Variants in OSBPL8 observed in about 807,000 individuals in gnomAD.
OSBPL8 encodes the protein oxysterol-binding protein-related protein 8.
In OSBPL8, 59 loss-of-function variants were observed where a neutral mutation model predicts 125.5. The observed-to-expected ratio is 0.47, with a 90% CI of 0.38 to 0.58. OSBPL8 has a LOEUF of 0.58. Ranked by LOEUF, OSBPL8 falls within the 20% of genes least tolerant of loss-of-function variation. The pLI, the probability that OSBPL8 is intolerant of heterozygous loss-of-function variation, is 0.00. For missense variants in OSBPL8, 758 were observed against 1,047.8 expected (o/e 0.72, Z 3.82); for synonymous variants, 330 against 338.9 (o/e 0.97, Z 0.29).
Position 76,394,629 on chromosome 12 carries a change from C to A in OSBPL8, c.757+16G>T. ...AAATGAAGACCAAAATCCAATCCAT[C>A]AAAAACTATACTTACCATCTGACTC... is the stretch of plus-strand genomic sequence containing the variant. On this transcript the variant is annotated intron_variant, in intron 9 of 23. Transcript: ENST00000261183. 1 of 1,599,694 alleles carries A rather than the reference C, an allele frequency of 6.3e-7. No homozygotes were observed. The highest frequency in any genetic ancestry group is 1.1e-5 in the South Asian group (1 of 89,100).
chr12:76,416,582 T>C (rs950733613), intron 4 of OSBPL8, among the ~76,000 whole-genome samples: 1 of 152,132 alleles, frequency 6.6e-6, no homozygotes, highest in Non-Finnish European at 1.5e-5. Context: ...TATAATGTAC[T>C]CATGCTTTTT....
chr12:76,384,716 A>C (rs1368776628), intron 14 of OSBPL8, among the ~76,000 whole-genome samples: 1 of 152,206 alleles, frequency 6.6e-6, no homozygotes, highest in Admixed American at 6.5e-5. Context: ...GAGATTGTGA[A>C]AAACCCTACA....
At chr12:76,512,304 T>C (rs986746289) in intron 1 of OSBPL8, among the ~76,000 whole-genome samples, 2 of 152,230 alleles carry the variant, frequency 1.3e-5, no homozygotes, top group African/African-American at 4.8e-5. Context: ...AGACATGATC[T>C]AGTTCTTTTT....
At chr12:76,521,625 G>A (rs1003193643) in intron 1 of OSBPL8, among the ~76,000 whole-genome samples, 3 of 152,158 alleles carry the variant, frequency 2.0e-5, no homozygotes, top group East Asian at 3.8e-4. Context: ...TAAAAGGAAG[G>A]AGATTCTGAC....
Position 76,489,852 on chromosome 12 carries a change from G to C in OSBPL8, c.-67-2234C>G, listed in dbSNP as rs536771479. 2.5e-4 allele frequency among the ~76,000 whole-genome samples: 38 copies of C among 152,310 alleles called. No homozygotes were observed. In the East Asian group the frequency reaches 7.3e-3, roughly 29 times the overall value. ...GATTCCTCTGATGGATCTGGGCAAA[G>C]TTTGAAAACCTAATGGAAAAGATTC... On this transcript the variant is annotated intron_variant, in intron 1 of 23. Transcript: ENST00000261183.
At chr12:76,466,306 T>C (rs1592731955) in intron 2 of OSBPL8, among the ~76,000 whole-genome samples, 1 of 151,432 alleles carries the variant, frequency 6.6e-6, no homozygotes, top group East Asian at 2.0e-4. Context: ...CTGATATTTT[T>C]CAATCTACAC....
At chr12:76,414,546 G>A (rs1044906903) in intron 4 of OSBPL8, among the ~76,000 whole-genome samples, 1 of 146,094 alleles carries the variant, frequency 6.8e-6, no homozygotes, top group Non-Finnish European at 1.5e-5. Context: ...TCGACCTCCT[G>A]TAACAGGCAA....
intron 8 of OSBPL8, among the ~76,000 whole-genome samples, chr12:76,397,346 G>A (rs1228957650): frequency 2.1e-5 from 3 of 144,702 alleles, no homozygotes; most frequent in African/African-American, 7.6e-5. Context: ...AGGGGGTGGG[G>A]AGGGGGGGTG....
intron 1 of OSBPL8, among the ~76,000 whole-genome samples, chr12:76,505,462 G>A (rs1490819356): frequency 6.6e-6 from 1 of 151,862 alleles, no homozygotes; most frequent in Non-Finnish European, 1.5e-5. Context: ...TTTCCTCGAC[G>A]AACCTGACCT....
intron 18 of OSBPL8, among the ~76,000 whole-genome samples, chr12:76,373,142 A>T (rs1952682975): frequency 6.6e-6 from 1 of 152,186 alleles, no homozygotes; most frequent in Non-Finnish European, 1.5e-5. Flanking sequence ...ATTTCTACTG[A>T]TTTTAAGTTT....
At chr12:76,450,714 A>G (rs985430300) in intron 4 of OSBPL8, 137 bp downstream of exon 4, 2 of 839,372 alleles carry the variant, frequency 2.4e-6, no homozygotes, top group African/African-American at 3.5e-5. Context: ...GACCTAAACA[A>G]AACAAACAAA....
intron 2 of OSBPL8, among the ~76,000 whole-genome samples, chr12:76,469,835 C>A (rs1358460141): frequency 6.6e-6 from 1 of 151,874 alleles, no homozygotes. Flanking sequence ...TGCTATATTC[C>A]TTAAAACTAG....
intron 4 of OSBPL8, among the ~76,000 whole-genome samples, chr12:76,419,202 C>T (rs1343270766): frequency 6.6e-6 from 1 of 152,056 alleles, no homozygotes; most frequent in Non-Finnish European, 1.5e-5. Flanking sequence ...CACCACTGCA[C>T]TCCAGCCTGG....
At chr12:76,372,083 T>C (rs999685835) in intron 18 of OSBPL8, among the ~76,000 whole-genome samples, 9 of 152,214 alleles carry the variant, frequency 5.9e-5, no homozygotes, top group African/African-American at 2.2e-4. Context: ...CTCTCTTGTG[T>C]AGGCTGGAGT....
intron 4 of OSBPL8, among the ~76,000 whole-genome samples, chr12:76,428,910 G>C (rs1870483487): frequency 6.6e-6 from 1 of 152,114 alleles, no homozygotes; most frequent in Non-Finnish European, 1.5e-5. Context: ...ATCAAGATGG[G>C]AGATAATGAA....
chr12:76,537,984 T>C (rs1403157227), intron 1 of OSBPL8: 2 of 152,040 alleles, frequency 1.3e-5, no homozygotes, highest in African/African-American at 2.4e-5. Flanking sequence ...CCAATGGAGA[T>C]TGCTGAGGAC....
chr12:76,449,095 A>G (rs1873071370), intron 4 of OSBPL8, among the ~76,000 whole-genome samples: 1 of 152,208 alleles, frequency 6.6e-6, no homozygotes, highest in Non-Finnish European at 1.5e-5. Context: ...ACTAAAGCCA[A>G]ATTTCAAAAG....
chr12:76,412,779 A>C (rs1008791813), intron 4 of OSBPL8, among the ~76,000 whole-genome samples: 2 of 152,200 alleles, frequency 1.3e-5, no homozygotes, highest in African/African-American at 2.4e-5. Flanking sequence ...GACCAACATC[A>C]ACAAGTGACT....
chr12:76,414,150 A>G (rs74103425), intron 4 of OSBPL8, among the ~76,000 whole-genome samples: 56 of 152,288 alleles, frequency 3.7e-4, no homozygotes, highest in Middle Eastern at 3.4e-3. Context: ...ACCTGCCACC[A>G]TTTATCGAAA....
Sources: gnomAD v4.1 joint callset for allele counts (sites outside exome capture counted in the v4.1 genomes callset) on GRCh38, gnomAD v4.1.1 for gene constraint, MANE v1.5 for transcripts, NCBI Gene and HGNC (gene_info 2026-07-23, HGNC 2026-07-21) for gene names.